Variants in DLG2 observed in about 807,000 individuals in gnomAD.
The protein encoded by DLG2 is discs large MAGUK scaffold protein 2, also known as disks large homolog 2.
Under a neutral mutation model 132.5 loss-of-function variants are expected in DLG2, and 45 were observed. The ratio of observed to expected loss-of-function variants is 0.34; its 90% CI spans 0.27 to 0.44. The LOEUF (loss-of-function observed/expected upper bound fraction) is 0.44, where lower values mean the gene tolerates loss of function less well. Ranked by LOEUF, DLG2 falls within the 20% of genes least tolerant of loss-of-function variation. The pLI, the probability that DLG2 is intolerant of heterozygous loss-of-function variation, is 1.00. For synonymous variants in DLG2, 424 were observed against 419.6 expected (o/e 1.01, Z -0.13); for missense variants, 1,045 against 1,196.9 (o/e 0.87, Z 1.87).
intron 3 of DLG2, among the ~76,000 whole-genome samples, chr11:85,405,584 A>C (rs1016597310): frequency 6.6e-6 from 1 of 151,996 alleles, no homozygotes. Flanking sequence ...AATATTCCAT[A>C]CACAATATTA....
At chr11:84,895,163 G>A (rs1380750832) in intron 6 of DLG2, among the ~76,000 whole-genome samples, 2 of 152,086 alleles carry the variant, frequency 1.3e-5, no homozygotes, top group African/African-American at 4.8e-5. Flanking sequence ...TAGAGAGGGT[G>A]TAAAATGACG....
intron 7 of DLG2, among the ~76,000 whole-genome samples, chr11:84,294,929 G>A (rs554234186): frequency 4.6e-5 from 7 of 152,190 alleles, no homozygotes; most frequent in Admixed American, 2.6e-4. Context: ...TAAAAGAAAC[G>A]TTAAATAGAA....
chr11:85,021,151 C>T lies in DLG2; in HGVS notation c.357+90510G>A, dbSNP rs1239522842. The T allele has an allele frequency of 4.9e-5, 41 of 839,878 alleles. 2 individuals are homozygous for T. Among genetic ancestry groups the T allele is most frequent in the South Asian group, 3.4e-4 (26 of 75,472 alleles). The allele number at this position is 839,878 out of a possible 1,614,324, so 52.0% of individuals were successfully genotyped here. A position where few individuals can be genotyped will look rare whatever the true frequency, so the allele number is the denominator to read the frequency against. On this transcript the variant is annotated intron_variant, in intron 6 of 27. Transcript: ENST00000376104. The stretch of plus-strand genomic sequence containing the variant: ...CAACTTTCCAGACTTAGAAGATCCC[C>T]GCTGCCCATTCTTAGAATTGAAGCC...
At chr11:85,002,538 T>C (rs1030102910) in intron 6 of DLG2, among the ~76,000 whole-genome samples, 75 of 152,192 alleles carry the variant, frequency 4.9e-4, no homozygotes, top group African/African-American at 1.7e-3. Flanking sequence ...TTTTTTATCA[T>C]CATCTAAAAG....
intron 6 of DLG2, among the ~76,000 whole-genome samples, chr11:85,037,645 A>G (rs2061528475): frequency 6.6e-6 from 1 of 152,198 alleles, no homozygotes; most frequent in Admixed American, 6.5e-5. Flanking sequence ...CTTTATAGTT[A>G]AAGTTAAAAT....
At chr11:83,462,207 G>A (rs948600435) in intron 26 of DLG2, 114 bp from the exon 27 acceptor site, 3 of 704,538 alleles carry the variant, frequency 4.3e-6, no homozygotes, top group Middle Eastern at 3.9e-4. Context: ...CTTAGCAACA[G>A]GTTTTTAGTC....
At chr11:84,299,675 G>A (rs1449768865) in intron 7 of DLG2, among the ~76,000 whole-genome samples, 3 of 152,150 alleles carry the variant, frequency 2.0e-5, no homozygotes, top group Non-Finnish European at 2.9e-5. Context: ...TTATACTTGC[G>A]TTTGATTTAG....
intron 8 of DLG2, among the ~76,000 whole-genome samples, chr11:84,170,896 C>T (rs116403439): frequency 1.4e-4 from 21 of 152,266 alleles, no homozygotes; most frequent in African/African-American, 4.8e-4. Context: ...TTTTCTATTA[C>T]TCTTTATTCT....
intron 3 of DLG2, among the ~76,000 whole-genome samples, chr11:85,493,349 T>C (rs1230349801): frequency 2.6e-5 from 4 of 152,216 alleles, no homozygotes; most frequent in Admixed American, 2.6e-4. Flanking sequence ...CTCTCTCTGC[T>C]TTTCTCCAAG....
At chr11:85,026,090 C>A (rs758344119) in intron 6 of DLG2, among the ~76,000 whole-genome samples, 1 of 151,762 alleles carries the variant, frequency 6.6e-6, no homozygotes, top group African/African-American at 2.4e-5. Flanking sequence ...ATTTAAATAT[C>A]AGAAGCCAAA....
rs557119638 is a variant in DLG2 at position 83,781,794 on chromosome 11, G to C, written c.1825+4896C>G. Among the ~76,000 whole-genome samples the C allele has an allele frequency of 2.0e-5, 3 of 152,160 alleles. No individual in the cohort carries two copies. In the South Asian group the frequency reaches 6.2e-4, roughly 32 times the overall value. On this transcript the variant is annotated intron_variant, in intron 18 of 27. Coordinates refer to ENST00000376104, the MANE Select transcript of DLG2 (RefSeq NM_001142699.3). ...CTAGTTCTCCAAGTCAATATCTGTG[G>C]CTTATTATTTCAAACCTAATCAGTT...
intron 3 of DLG2, among the ~76,000 whole-genome samples, chr11:85,426,800 A>T (rs1196057556): frequency 6.6e-6 from 1 of 152,226 alleles, no homozygotes; most frequent in Non-Finnish European, 1.5e-5. Flanking sequence ...GAGTTGAGAG[A>T]AGAAGGCTTC....
chr11:83,852,221 G>A (rs909763710), intron 16 of DLG2, among the ~76,000 whole-genome samples: 15 of 152,170 alleles, frequency 9.9e-5, no homozygotes, highest in South Asian at 4.1e-4. Flanking sequence ...AAGCTAATAC[G>A]TTCTGGTAGG....
chr11:83,864,457 G>T (rs1056209170), intron 16 of DLG2, among the ~76,000 whole-genome samples: 1 of 152,120 alleles, frequency 6.6e-6, no homozygotes, highest in African/African-American at 2.4e-5. Context: ...TCAAATCAAT[G>T]ACTGAATGAA....
chr11:84,404,551 T>C (rs1223672107), intron 7 of DLG2, among the ~76,000 whole-genome samples: 2 of 152,156 alleles, frequency 1.3e-5, no homozygotes, highest in Non-Finnish European at 2.9e-5. Context: ...CCTACACCTA[T>C]AGTAGCTATT....
intron 6 of DLG2, among the ~76,000 whole-genome samples, chr11:85,046,496 T>C (rs1244451114): frequency 6.6e-6 from 1 of 151,966 alleles, no homozygotes; most frequent in Non-Finnish European, 1.5e-5. Context: ...CTGAATTTTA[T>C]GTTTTTATCT....
rs866635940 is a variant in DLG2 at position 85,555,525 on chromosome 11, C to T, written c.40+43132G>A. Among the ~76,000 whole-genome samples, 121 of 152,042 alleles carry T rather than the reference C, an allele frequency of 8.0e-4. 1 individual carries two copies. Among genetic ancestry groups the T allele is most frequent in the African/African-American group, 2.6e-3 (110 of 41,540 alleles). On this transcript the variant is annotated intron_variant, in intron 3 of 27. Transcript: ENST00000376104. Reference sequence around the variant, plus strand: ...AAGGCCTTAGAAGCTGCCTAATTTTCTAAGCATCTCTTGTTTTTTCCCACC... The same window carrying T: ...AAGGCCTTAGAAGCTGCCTAATTTTTTAAGCATCTCTTGTTTTTTCCCACC...
chr11:85,341,975 A>G (rs367582390), intron 3 of DLG2, among the ~76,000 whole-genome samples: 13 of 152,252 alleles, frequency 8.5e-5, no homozygotes, highest in Admixed American at 2.6e-4. Context: ...AGATATCTGT[A>G]TAAGGCCCTT....
intron 6 of DLG2, among the ~76,000 whole-genome samples, chr11:84,630,880 G>C (rs538484571): frequency 6.6e-6 from 1 of 152,090 alleles, no homozygotes; most frequent in Non-Finnish European, 1.5e-5. Flanking sequence ...TAGCATAGCA[G>C]CCAGTCAGAA....
Sources: gnomAD v4.1 joint callset for allele counts (sites outside exome capture counted in the v4.1 genomes callset) on GRCh38, gnomAD v4.1.1 for gene constraint, MANE v1.5 for transcripts, NCBI Gene and HGNC (gene_info 2026-07-23, HGNC 2026-07-21) for gene names.